The following CHRD variants were observed in gnomAD, a reference collection of about 807,000 sequenced individuals.
The protein encoded by CHRD is chordin.
CHRD carries 69 observed loss-of-function variants against 113.7 expected under a neutral mutation model. The observed-to-expected ratio is 0.61, with a 90% confidence interval of 0.50 to 0.74. CHRD has a LOEUF of 0.74. Ranked by LOEUF, CHRD falls within the 30% of genes least tolerant of loss-of-function variation. The pLI is 0.00. For missense variants in CHRD, 1,194 were observed against 1,295.8 expected (o/e 0.92, Z 1.21); for synonymous variants, 561 against 540.8 (o/e 1.04, Z -0.52).
At position 184,387,894 on chromosome 3, in the gene CHRD, C is replaced by T; in HGVS notation, c.2452-37C>T. ...GGAGTGGGCAGGAGGCTTATGTGCC[C>T]CCTGCCTGACACTCCTTGCTCAATG... On this transcript the variant is annotated intron_variant, in intron 19 of 22. Coordinates refer to ENST00000204604, the Ensembl canonical transcript of CHRD. This position sits in a 1 kb window ranked among gnomAD's most constrained non-coding sequence, Gnocchi z 6.1. 1 of 1,547,282 alleles carries T rather than the reference C, an allele frequency of 6.5e-7. No individual in the cohort carries two copies. The highest frequency in any genetic ancestry group is 8.9e-7 in the Non-Finnish European group (1 of 1,129,706).
rs1177170173 is a variant in CHRD at position 184,386,454 on chromosome 3, G to A, written c.1933-38G>A. The A allele has an allele frequency of 2.0e-6, 3 of 1,530,770 alleles. No homozygotes were observed. In the East Asian group the frequency reaches 7.3e-5, roughly 37 times the overall value. The allele number at this position is 1,530,770 out of a possible 1,614,324, so 94.8% of individuals were successfully genotyped here. On this transcript the variant is annotated intron_variant, in intron 15 of 22. Coordinates refer to ENST00000204604, the Ensembl canonical transcript of CHRD. Reference sequence around the variant, plus strand: ...GCTGCCGCTGGTAAAGACGCGAGGGGGAGCCCCAGCGCTGCCTCAGTTGGC... The same window carrying A: ...GCTGCCGCTGGTAAAGACGCGAGGGAGAGCCCCAGCGCTGCCTCAGTTGGC...
intron 22 of CHRD, 41 bp downstream of exon 22, chr3:184,389,036 G>T (rs1289038548): frequency 4.3e-6 from 6 of 1,387,326 alleles, no homozygotes; most frequent in Non-Finnish European, 6.1e-6. Flanking sequence ...TGAGTGGAGG[G>T]CTCACCTGCC....
chr3:184,383,387 C>G (rs915508670), exon 11 of CHRD: 1 of 1,613,796 alleles, frequency 6.2e-7, no homozygotes, highest in Non-Finnish European at 8.5e-7. Flanking sequence ...GCCAGCCTCA[C>G]GCTGCTAGGA....
chr3:184,385,602 G>T (rs938799887), intron 14 of CHRD, among the ~76,000 whole-genome samples: 1 of 147,500 alleles, frequency 6.8e-6, no homozygotes, highest in Non-Finnish European at 1.5e-5. Context: ...GGAGGTGGAG[G>T]TTGCAGTGAG....
chr3:184,386,790 G>A (rs1430755563), intron 16 of CHRD, 35 bp downstream of exon 16: 7 of 1,613,684 alleles, frequency 4.3e-6, no homozygotes, highest in South Asian at 2.2e-5. Context: ...TGGGTCCTGG[G>A]ATCTGGAGCA....
In CHRD at chr3:184,381,204, C is replaced by T. The variant is rs760475645; in HGVS notation, c.253-31C>T. 88 of 1,612,268 alleles carry T rather than the reference C, an allele frequency of 5.5e-5. 3 individuals are homozygous for T. In the South Asian group the frequency reaches 7.9e-4, roughly 14 times the overall value. Reference sequence around the variant, plus strand: ...GTCTCATCAGTTGGCATCTTGCACTCACTTGGGTTTCCCGCCTTTTCCGGG... The same window carrying T: ...GTCTCATCAGTTGGCATCTTGCACTTACTTGGGTTTCCCGCCTTTTCCGGG... On this transcript the variant is annotated intron_variant, in intron 2 of 22. Coordinates refer to ENST00000204604, the Ensembl canonical transcript of CHRD. The surrounding 1 kb of genome is among the most constrained non-coding windows in gnomAD (Gnocchi z 4.7).
Position 184,388,229 on chromosome 3 carries a change from A to ATCCG in CHRD, c.2554+199_2554+200insGTCC, listed in dbSNP as rs1479763464. Among the ~76,000 whole-genome samples, 22 of 142,468 alleles carry ATCCG rather than the reference A, an allele frequency of 1.5e-4. No homozygotes were observed. Among genetic ancestry groups the ATCCG allele is most frequent in the African/African-American group, 4.4e-4 (16 of 36,504 alleles). The allele number at this position is 142,468 out of a possible 152,430, so 93.5% of individuals were successfully genotyped here. On this transcript the variant is annotated intron_variant, in intron 20 of 22. Coordinates refer to ENST00000204604, the Ensembl canonical transcript of CHRD. This position sits in a 1 kb window ranked among gnomAD's most constrained non-coding sequence, Gnocchi z 6.1. ...TATGATGGGTTCTGGTTCCTGCTCC[A>ATCCG]TCCATCCGTCCATCCATCCATCCAT...
chr3:184,384,431 G>C lies in CHRD; in HGVS notation c.1441-106G>C. 1 of 1,265,228 alleles carries C rather than the reference G, an allele frequency of 7.9e-7. No individual in the cohort carries two copies. Among genetic ancestry groups the C allele is most frequent in the Non-Finnish European group, 1.0e-6 (1 of 981,326 alleles). 78.4% of individuals were successfully genotyped at this position (1,265,228 alleles called of 1,614,324 possible). On this transcript the variant is annotated intron_variant, in intron 12 of 22. Transcript: ENST00000204604. The surrounding 1 kb of genome is among the most constrained non-coding windows in gnomAD (Gnocchi z 4.4). ...GCCAGGTCCTTATCCTGTGTTTCTG[G>C]TGTGTGGAAGTGTGTGTGGGTGGAG...
Position 184,388,614 on chromosome 3 carries a change from G to A in CHRD, c.2582G>A (p.Gly861Glu), listed in dbSNP as rs759567227. The A allele has an allele frequency of 6.2e-7, 1 of 1,612,584 alleles. No individual in the cohort carries two copies. Among genetic ancestry groups the A allele is most frequent in the Non-Finnish European group, 8.5e-7 (1 of 1,179,982 alleles). Reference sequence around the variant, plus strand: ...GGGTCGGGGGCCCACCCCCAGCTGGGGGACCCCATGCAGGCTGATGGGCCC... The same window carrying A: ...GGGTCGGGGGCCCACCCCCAGCTGGAGGACCCCATGCAGGCTGATGGGCCC... The change falls in exon 21 of 23, where the codon GGG becomes GAG. Residue 861 changes from glycine (G) to glutamate (E), a missense_variant. Transcript: ENST00000204604. This position sits in a 1 kb window ranked among gnomAD's most constrained non-coding sequence, Gnocchi z 6.1.
Position 184,381,788 on chromosome 3 carries a change from G to C in CHRD, c.584G>C (p.Ser195Thr). Residue 195 changes from serine to threonine, a missense_variant, in exon 5 of 23, where the codon AGC (serine) becomes ACC (threonine). Ser to Thr is a moderately conservative substitution (Grantham distance 58). Transcript: ENST00000204604. This position sits in a 1 kb window ranked among gnomAD's most constrained non-coding sequence, Gnocchi z 4.7. ...GCCCGAGTCTCGCTGCTGCGCTCTA[G>C]CCTCCGCTTCTCTATCTCCTACAGG... 6.2e-7 allele frequency: 1 copy of C among 1,613,344 alleles called. No homozygotes were observed. Among genetic ancestry groups the C allele is most frequent in the Non-Finnish European group, 8.5e-7 (1 of 1,179,950 alleles).
exon 23 of CHRD, chr3:184,389,385 C>T: frequency 6.2e-7 from 1 of 1,613,812 alleles, no homozygotes; most frequent in Non-Finnish European, 8.5e-7. Flanking sequence ...GAGACCAGAA[C>T]TGATCCAGAG....
Position 184,383,300 on chromosome 3 carries a change from G to A in CHRD, c.1214-12G>A, listed in dbSNP as rs765465101. On this transcript the variant is annotated splice_polypyrimidine_tract_variant and intron_variant, in intron 10 of 22. Coordinates refer to ENST00000204604, the Ensembl canonical transcript of CHRD. ...GGGTAAACCTAGCCTCACCTGTCTT[G>A]CCCCTCCGTAGTCCTGCAAAGTGTC... The A allele has an allele frequency of 6.2e-6, 10 of 1,611,062 alleles. No homozygotes were observed. In the South Asian group the frequency reaches 1.1e-4, roughly 18 times the overall value.
Position 184,380,474 on chromosome 3 carries a change from G to A in CHRD, c.148+8G>A. The A allele has an allele frequency of 8.5e-7, 1 of 1,181,434 alleles. No individual in the cohort carries two copies. The highest frequency in any genetic ancestry group is 1.0e-6 in the Non-Finnish European group (1 of 953,306). The allele number at this position is 1,181,434 out of a possible 1,614,324, so 73.2% of individuals were successfully genotyped here. A position where few individuals can be genotyped will look rare whatever the true frequency, so the allele number is the denominator to read the frequency against. ...CCGTTCGGGGAGCGGCAGGTAGGTG[G>A]GCGCCCGGGGGAGGCGCGGGCGGGG... is the stretch of plus-strand genomic sequence containing the variant. On this transcript the variant is annotated splice_region_variant and intron_variant, in intron 1 of 22. Transcript: ENST00000204604. The surrounding 1 kb of genome is among the most constrained non-coding windows in gnomAD (Gnocchi z 6.3).
exon 23 of CHRD, chr3:184,389,430 C>G: frequency 6.2e-7 from 1 of 1,612,806 alleles, no homozygotes; most frequent in Non-Finnish European, 8.5e-7. Flanking sequence ...TAGGGAGCAG[C>G]CAGAGGGCCA....
In CHRD at chr3:184,387,931, G is replaced by T; in HGVS notation, c.2452G>T (p.Gly818Trp). ...CTCCTTGCTCAATGGATCCCTACAGGGGGGCACTGGAGAGGTGCACTGTGA... is the reference window on the plus strand; with the variant it reads ...CTCCTTGCTCAATGGATCCCTACAGTGGGGCACTGGAGAGGTGCACTGTGA... Residue 818 changes from glycine to tryptophan, a missense_variant and splice_region_variant, in exon 20 of 23, where the codon GGG becomes TGG. Coordinates refer to ENST00000204604, the Ensembl canonical transcript of CHRD. The surrounding 1 kb of genome is among the most constrained non-coding windows in gnomAD (Gnocchi z 6.1). 4.3e-6 allele frequency: 7 copies of T among 1,610,642 alleles called. No individual in the cohort carries two copies. Among genetic ancestry groups the T allele is most frequent in the Non-Finnish European group, 5.9e-6 (7 of 1,178,904 alleles).
chr3:184,380,926 G>A lies in CHRD; in HGVS notation c.252+131G>A, dbSNP rs150892772. ...ATGTTGGGGATATTTTTCTGGTGGA[G>A]GAAGGGGAATCAGCCCCTCCAATTC... On this transcript the variant is annotated intron_variant, in intron 2 of 22. Coordinates refer to ENST00000204604, the Ensembl canonical transcript of CHRD. The surrounding 1 kb of genome is among the most constrained non-coding windows in gnomAD (Gnocchi z 6.3). The A allele has an allele frequency of 2.7e-4, 210 of 790,868 alleles. 2 individuals are homozygous for A. The East Asian group carries it at 5.5e-3, about 21-fold the overall frequency. 49.0% of individuals were successfully genotyped at this position (790,868 alleles called of 1,614,324 possible).
Position 184,384,925 on chromosome 3 carries a change from G to T in CHRD, c.1598-93G>T, listed in dbSNP as rs559327649. 2.2e-6 allele frequency: 3 copies of T among 1,360,686 alleles called. No individual in the cohort carries two copies. The South Asian group carries it at 3.8e-5, about 17-fold the overall frequency. The allele number at this position is 1,360,686 out of a possible 1,614,324, so 84.3% of individuals were successfully genotyped here. ...ACCTATGGACAGTGTCTTCCAGCTCGTGGAATGTGTGCTGGGGAGCTGGGA... is the reference window on the plus strand; with the variant it reads ...ACCTATGGACAGTGTCTTCCAGCTCTTGGAATGTGTGCTGGGGAGCTGGGA... On this transcript the variant is annotated intron_variant, in intron 13 of 22. Coordinates refer to ENST00000204604, the Ensembl canonical transcript of CHRD. This position sits in a 1 kb window ranked among gnomAD's most constrained non-coding sequence, Gnocchi z 4.4.
At position 184,384,059 on chromosome 3, in the gene CHRD, G is replaced by A. The variant is rs1715900586; in HGVS notation, c.1440+417G>A. ...CAAAGTGCTGGGATTACAGGCGAGA[G>A]CCACCGTGCCCGGCATGATTTGACA... On this transcript the variant is annotated intron_variant, in intron 12 of 22. Transcript: ENST00000204604. The surrounding 1 kb of genome is among the most constrained non-coding windows in gnomAD (Gnocchi z 4.4). Among the ~76,000 whole-genome samples, 1 of 152,178 alleles carries A rather than the reference G, an allele frequency of 6.6e-6. No individual in the cohort carries two copies. The highest frequency in any genetic ancestry group is 2.1e-4 in the South Asian group (1 of 4,830).
exon 14 of CHRD, chr3:184,385,170 G>A (rs1716086582): frequency 6.2e-7 from 1 of 1,614,102 alleles, no homozygotes; most frequent in Non-Finnish European, 8.5e-7. Context: ...CACTGTCACT[G>A]CCCACCTCCT....
Sources: gnomAD v4.1 joint callset for allele counts (sites outside exome capture counted in the v4.1 genomes callset) on GRCh38, gnomAD v4.1.1 for gene constraint, Gnocchi (gnomAD v3.1) non-coding constraint, MANE v1.5 for transcripts, NCBI Gene and HGNC (gene_info 2026-07-23, HGNC 2026-07-21) for gene names.